The following NEGR1 variants were observed in gnomAD, a reference collection of about 807,000 sequenced individuals.
The protein encoded by NEGR1 is neuronal growth regulator 1, also known as IgLON family member 4.
Under a neutral mutation model 40.9 loss-of-function variants are expected in NEGR1, and 10 were observed. The observed-to-expected ratio is 0.24, with a 90% CI of 0.15 to 0.42. NEGR1 has a LOEUF of 0.42. Ranked by LOEUF, NEGR1 falls within the 10% of genes least tolerant of loss-of-function variation. The probability of loss-of-function intolerance (pLI) is 1.00; values close to 1 mark genes in which losing one functional copy is unlikely to be tolerated. For missense variants in NEGR1, 352 were observed against 438.9 expected (o/e 0.80, Z 1.77); for synonymous variants, 185 against 166.8 (o/e 1.11, Z -0.84).
chr1:71,623,996 C>T (rs1169177230), intron 4 of NEGR1, among the ~76,000 whole-genome samples: 2 of 151,878 alleles, frequency 1.3e-5, no homozygotes, highest in Admixed American at 6.6e-5. Context: ...TGGGTTCCTT[C>T]CTTTTTTGCT....
intron 1 of NEGR1, among the ~76,000 whole-genome samples, chr1:72,049,035 T>C (rs1647031736): frequency 6.6e-6 from 1 of 151,478 alleles, no homozygotes; most frequent in Admixed American, 6.6e-5. Context: ...CACTTTAGAG[T>C]GGCTACCAAA....
chr1:72,063,085 T>G (rs1647202942), intron 1 of NEGR1, among the ~76,000 whole-genome samples: 1 of 151,396 alleles, frequency 6.6e-6, no homozygotes, highest in South Asian at 2.1e-4. Context: ...AGTATTTATT[T>G]TGAAAAAAAA....
rs913507759 is a variant in NEGR1 at position 71,397,498 on chromosome 1, T to C, written c.*9948A>G. ...TGTGCCACCATGCCTCACTAATTTT[T>C]ATATTTTTAGTAGAGTTGGGGTTTT... On this transcript the variant is annotated 3_prime_UTR_variant, in exon 7 of 7. Coordinates refer to ENST00000357731, the MANE Select transcript of NEGR1 (RefSeq NM_173808.3). The C allele has an allele frequency of 2.1e-4, 32 of 152,200 alleles. No homozygotes were observed. Among genetic ancestry groups the C allele is most frequent in the African/African-American group, 7.5e-4 (31 of 41,422 alleles). The allele number at this position is 152,200 out of a possible 1,614,324, so 9.4% of individuals were successfully genotyped here.
chr1:72,002,787 C>A (rs1646569192), intron 1 of NEGR1, among the ~76,000 whole-genome samples: 1 of 152,116 alleles, frequency 6.6e-6, no homozygotes, highest in Non-Finnish European at 1.5e-5. Flanking sequence ...ATTAATTATT[C>A]TTTACAAATT....
At chr1:72,192,595 G>A (rs984972498) in intron 1 of NEGR1, among the ~76,000 whole-genome samples, 47 of 151,840 alleles carry the variant, frequency 3.1e-4, no homozygotes, top group African/African-American at 1.1e-3. Context: ...ATGACTTTAT[G>A]AGATGTATTT....
chr1:72,202,111 T>C (rs1432921232), intron 1 of NEGR1, among the ~76,000 whole-genome samples: 1 of 151,988 alleles, frequency 6.6e-6, no homozygotes, highest in Non-Finnish European at 1.5e-5. Context: ...ATTATCATTA[T>C]ATCTGTTACA....
intron 6 of NEGR1, among the ~76,000 whole-genome samples, chr1:71,465,825 T>G (rs1264661479): frequency 6.6e-6 from 1 of 151,968 alleles, no homozygotes; most frequent in Non-Finnish European, 1.5e-5. Context: ...ATGAATGGAT[T>G]AGAGTAGAAA....
chr1:71,751,040 G>A (rs1035448941), intron 3 of NEGR1, among the ~76,000 whole-genome samples: 2 of 151,722 alleles, frequency 1.3e-5, no homozygotes, highest in African/African-American at 4.8e-5. Context: ...TTAGGGGTGA[G>A]AATATAGTAA....
rs1180747502 is a variant in NEGR1, at chr1:71,406,330, A to G, written c.*1116T>C. ...AAATATGCAAAATGCTCCTGTCCAC[A>G]GGAGCACTGCCTCTGTCATACTAAC... On this transcript the variant is annotated 3_prime_UTR_variant, in exon 7 of 7. Coordinates refer to ENST00000357731, the MANE Select transcript of NEGR1 (RefSeq NM_173808.3). 4 of 152,068 alleles carry G rather than the reference A, an allele frequency of 2.6e-5. No individual in the cohort carries two copies. The highest frequency in any genetic ancestry group is 7.2e-5 in the African/African-American group (3 of 41,552). 9.4% of individuals were successfully genotyped at this position (152,068 alleles called of 1,614,324 possible).
At chr1:71,878,524 A>G (rs574844639) in intron 2 of NEGR1, among the ~76,000 whole-genome samples, 58 of 152,348 alleles carry the variant, frequency 3.8e-4, no homozygotes, top group African/African-American at 1.4e-3. Context: ...AAATCAAATT[A>G]TTTCATTTTA....
At chr1:71,554,392 T>C (rs925833674) in intron 6 of NEGR1, among the ~76,000 whole-genome samples, 2 of 151,498 alleles carry the variant, frequency 1.3e-5, no homozygotes, top group African/African-American at 4.8e-5. Flanking sequence ...GTTATTCTCT[T>C]ACACTTTATT....
At chr1:71,792,132 G>C (rs1657140564) in intron 2 of NEGR1, among the ~76,000 whole-genome samples, 1 of 152,088 alleles carries the variant, frequency 6.6e-6, no homozygotes, top group South Asian at 2.1e-4. Context: ...CTGAGGGCCT[G>C]AAGTTTCACA....
intron 1 of NEGR1, among the ~76,000 whole-genome samples, chr1:72,105,907 T>C (rs1472538296): frequency 1.3e-5 from 2 of 152,096 alleles, no homozygotes; most frequent in South Asian, 2.1e-4. Flanking sequence ...GAGCAGAAGA[T>C]TTTTGGAAAC....
At chr1:71,457,104 TG>T (rs1361250968) in intron 6 of NEGR1, among the ~76,000 whole-genome samples, 2 of 152,160 alleles carry the variant, frequency 1.3e-5, no homozygotes, top group Non-Finnish European at 2.9e-5. Flanking sequence ...AATCAGCCAC[TG>T]GGTCCTGGGA....
In NEGR1 at chr1:71,511,889, C is replaced by T. The variant is rs148728412; in HGVS notation, c.940+80928G>A. On this transcript the variant is annotated intron_variant, in intron 6 of 6. Coordinates refer to ENST00000357731, the MANE Select transcript of NEGR1 (RefSeq NM_173808.3). ...TCAAACTTAAATTGGCCAAATTCTA[C>T]ATCAGAATTTTAGAATTAAAGTCAA... Among the ~76,000 whole-genome samples, 525 of 152,228 alleles carry T rather than the reference C, an allele frequency of 3.4e-3. 6 individuals carry two copies. The East Asian group carries it at 0.04, about 12-fold the overall frequency.
At position 72,157,815 on chromosome 1, in the gene NEGR1, A is replaced by G. The variant is rs545671384; in HGVS notation, c.176+124504T>C. On this transcript the variant is annotated intron_variant, in intron 1 of 6. Transcript: ENST00000357731. ...TCTAATTCCCTTTGAAGCCTTTTCC[A>G]TTCCTTGTACAGGCCAAGAACACAA... 2.6e-5 allele frequency among the ~76,000 whole-genome samples: 4 copies of G among 152,324 alleles called. No homozygotes were observed. In the South Asian group the frequency reaches 8.3e-4, roughly 32 times the overall value.
chr1:71,651,574 T>C (rs1338161453), intron 4 of NEGR1, among the ~76,000 whole-genome samples: 1 of 152,160 alleles, frequency 6.6e-6, no homozygotes, highest in Admixed American at 6.6e-5. Flanking sequence ...TAAAATACTT[T>C]TCATTTTATC....
At chr1:71,884,501 A>C (rs951391987) in intron 2 of NEGR1, among the ~76,000 whole-genome samples, 5 of 152,232 alleles carry the variant, frequency 3.3e-5, no homozygotes, top group African/African-American at 1.2e-4. Context: ...AAGCAAATGC[A>C]CAAATTATTA....
chr1:71,850,548 A>T (rs945680507), intron 2 of NEGR1, among the ~76,000 whole-genome samples: 11 of 152,114 alleles, frequency 7.2e-5, no homozygotes, highest in Non-Finnish European at 1.5e-5. Context: ...TACAAATTAA[A>T]ATTTCTGCTA....
Sources: allele counts gnomAD v4.1 joint callset (sites outside exome capture counted in the v4.1 genomes callset), GRCh38; gene constraint gnomAD v4.1.1; transcripts MANE v1.5; gene names NCBI Gene and HGNC (gene_info 2026-07-23, HGNC 2026-07-21).